The following SHISA9 variants were observed in gnomAD, a reference collection of about 807,000 sequenced individuals.
SHISA9 encodes protein shisa-9.
A neutral mutation model predicts 38.0 loss-of-function variants in SHISA9; 13 were observed. The observed-to-expected ratio is 0.34, with a 90% CI of 0.22 to 0.54. The LOEUF is 0.54. Among genes scored for constraint, SHISA9 ranks in the 20% least tolerant of loss-of-function variants. The probability of loss-of-function intolerance (pLI) is 0.91; values close to 1 mark genes in which losing one functional copy is unlikely to be tolerated. For missense variants in SHISA9, 538 were observed against 575.8 expected, an observed-to-expected ratio of 0.93 and a Z score of 0.67; for synonymous variants, 275 against 242.0, an observed-to-expected ratio of 1.14 and a Z score of -1.27.
At chr16:13,346,367 G>T in the SHISA9 span, among the ~76,000 whole-genome samples, 17 of 152,188 alleles carry the variant, frequency 1.1e-4, no homozygotes, top group African/African-American at 3.9e-4. Context: ...GTCAAGGAAG[G>T]TCTCAGGCAA....
chr16:13,013,267 G>A (rs1359678602), intron 2 of SHISA9, among the ~76,000 whole-genome samples: 1 of 152,166 alleles, frequency 6.6e-6, no homozygotes, highest in Non-Finnish European at 1.5e-5. Context: ...GTCCTCTGCT[G>A]GGGCTAGCTG....
intron 2 of SHISA9, among the ~76,000 whole-genome samples, chr16:13,148,230 C>T (rs1468345167): frequency 6.6e-6 from 1 of 152,080 alleles, no homozygotes; most frequent in South Asian, 2.1e-4. Flanking sequence ...CATGTCCCCG[C>T]ACACCCGAAT....
intron 2 of SHISA9, among the ~76,000 whole-genome samples, chr16:12,955,231 A>G (rs548955820): frequency 6.6e-6 from 1 of 152,288 alleles, no homozygotes; most frequent in East Asian, 1.9e-4. Context: ...CAATTCCCAG[A>G]CACAAGTATT....
At chr16:13,049,676 A>G (rs567429739) in intron 2 of SHISA9, among the ~76,000 whole-genome samples, 1 of 152,260 alleles carries the variant, frequency 6.6e-6, no homozygotes, top group South Asian at 2.1e-4. Flanking sequence ...AAATTAGACA[A>G]AGGAAAAATT....
chr16:13,057,770 C>T (rs1348766195), intron 2 of SHISA9, among the ~76,000 whole-genome samples: 1 of 152,166 alleles, frequency 6.6e-6, no homozygotes, highest in Non-Finnish European at 1.5e-5. Flanking sequence ...GTATGAAGCC[C>T]TGCATGCCTT....
chr16:12,975,917 AC>A (rs1296481472), intron 2 of SHISA9, among the ~76,000 whole-genome samples: 1 of 151,836 alleles, frequency 6.6e-6, no homozygotes, highest in African/African-American at 2.4e-5. Context: ...GCCAACAGAA[AC>A]TTTTAGTTAA....
At chr16:13,026,583 T>C (rs2072924668) in intron 2 of SHISA9, among the ~76,000 whole-genome samples, 1 of 152,208 alleles carries the variant, frequency 6.6e-6, no homozygotes, top group Admixed American at 6.5e-5. Flanking sequence ...ACTTTTTATA[T>C]ATCCAGAAAT....
chr16:13,530,765 C>T, the SHISA9 span, among the ~76,000 whole-genome samples: 1 of 152,084 alleles, frequency 6.6e-6, no homozygotes, highest in African/African-American at 2.4e-5. Context: ...CAGATGCTTG[C>T]GGGAGGCCAA....
At chr16:13,451,274 C>T in the SHISA9 span, among the ~76,000 whole-genome samples, 5 of 152,300 alleles carry the variant, frequency 3.3e-5, no homozygotes, top group Non-Finnish European at 7.3e-5. Flanking sequence ...GTCTGCCTTT[C>T]CTCACTGTCC....
the SHISA9 span, among the ~76,000 whole-genome samples, chr16:13,284,915 G>A: frequency 1.3e-5 from 2 of 152,042 alleles, no homozygotes; most frequent in Non-Finnish European, 2.9e-5. Flanking sequence ...ATTCTCTTTG[G>A]AACATTTGCT....
intron 2 of SHISA9, among the ~76,000 whole-genome samples, chr16:13,108,653 A>T (rs1469731645): frequency 6.6e-6 from 1 of 152,196 alleles, no homozygotes; most frequent in Non-Finnish European, 1.5e-5. Flanking sequence ...AATATTTATC[A>T]TGTAATACTA....
chr16:12,924,585 G>A (rs1234566794), intron 2 of SHISA9, among the ~76,000 whole-genome samples: 1 of 152,178 alleles, frequency 6.6e-6, no homozygotes, highest in African/African-American at 2.4e-5. Context: ...TTTGGCATAT[G>A]GGTTAGTAAA....
the SHISA9 span, among the ~76,000 whole-genome samples, chr16:13,472,104 C>G: frequency 6.6e-6 from 1 of 152,080 alleles, no homozygotes; most frequent in African/African-American, 2.4e-5. Context: ...GTTTTCATTC[C>G]CTGTTCTGAC....
At chr16:13,105,594 C>T (rs74632148) in intron 2 of SHISA9, among the ~76,000 whole-genome samples, 2,989 of 152,234 alleles carry the variant, frequency 0.02, 49 homozygotes, top group Admixed American at 0.047. Flanking sequence ...GGTCTTGGCC[C>T]GTGCCAGCAG....
At chr16:13,397,185 G>T in the SHISA9 span, among the ~76,000 whole-genome samples, 2 of 152,240 alleles carry the variant, frequency 1.3e-5, no homozygotes, top group South Asian at 4.1e-4. Flanking sequence ...TTAATCGACT[G>T]TCTACGTAAT....
At chr16:13,220,106 G>A (rs907179414) in intron 4 of SHISA9, among the ~76,000 whole-genome samples, 2 of 152,186 alleles carry the variant, frequency 1.3e-5, no homozygotes, top group Non-Finnish European at 2.9e-5. Flanking sequence ...AAATCTCATT[G>A]CTTAAAATGT....
rs185513395 is a variant in SHISA9, at chr16:12,979,125, T to C, written c.691+62310T>C. Reference sequence around the variant, plus strand: ...CCTTCAGACACCACCCTCTCCTTGATTGTTCCCATCGCTCCTGCCTTCAGC... The same window carrying C: ...CCTTCAGACACCACCCTCTCCTTGACTGTTCCCATCGCTCCTGCCTTCAGC... On this transcript the variant is annotated intron_variant, in intron 2 of 4. Coordinates refer to ENST00000558583, the MANE Select transcript of SHISA9 (RefSeq NM_001145204.3). 4.6e-5 allele frequency among the ~76,000 whole-genome samples: 7 copies of C among 152,336 alleles called. No individual in the cohort carries two copies. In the East Asian group the frequency reaches 1.3e-3, roughly 29 times the overall value.
At chr16:13,214,486 A>C (rs972419904) in intron 4 of SHISA9, among the ~76,000 whole-genome samples, 1 of 152,152 alleles carries the variant, frequency 6.6e-6, no homozygotes, top group Admixed American at 6.5e-5. Flanking sequence ...GATTACAAGC[A>C]TGAGCCACCA....
chr16:13,152,196 C>T (rs2050505586), intron 2 of SHISA9, among the ~76,000 whole-genome samples: 1 of 152,266 alleles, frequency 6.6e-6, no homozygotes, highest in East Asian at 1.9e-4. Context: ...CTACCACTCC[C>T]TAGAAATAAA....
Sources: allele counts gnomAD v4.1 joint callset (sites outside exome capture counted in the v4.1 genomes callset), GRCh38; gene constraint gnomAD v4.1.1; transcripts MANE v1.5; gene names NCBI Gene and HGNC (gene_info 2026-07-23, HGNC 2026-07-21).